Variants in GOLGB1 observed in about 807,000 individuals in gnomAD.
GOLGB1 encodes the protein golgin B1, also known as golgin subfamily B member 1.
Under a neutral mutation model 336.9 loss-of-function variants are expected in GOLGB1, and 174 were observed. That is an observed-to-expected ratio of 0.52 (90% CI 0.46 to 0.59). The LOEUF is 0.59. GOLGB1 is among the 20% of genes least tolerant of loss of function. The probability of loss-of-function intolerance (pLI) is 0.00; values close to 1 mark genes in which losing one functional copy is unlikely to be tolerated. For synonymous variants in GOLGB1, 1,208 were observed against 1,289.2 expected (o/e 0.94, Z 1.35); for missense variants, 3,331 against 3,645.3 (o/e 0.91, Z 2.22).
At chr3:121,702,836 T>G (rs947886914) in intron 10 of GOLGB1, among the ~76,000 whole-genome samples, 1 of 152,220 alleles carries the variant, frequency 6.6e-6, no homozygotes, top group Non-Finnish European at 1.5e-5. Flanking sequence ...AATTTAAGAT[T>G]GAAGCCTGGA....
At position 121,694,430 on chromosome 3, in the gene GOLGB1, C is replaced by T. The variant is rs1305613416; in HGVS notation, c.6093G>A (p.Lys2031=). Residue 2031 remains lysine, a synonymous_variant, in exon 13 of 22, where the codon AAG becomes AAA. Transcript: ENST00000614479. The stretch of plus-strand genomic sequence containing the variant: ...TTTTCTCTTGATACCTGATGCAGTC[C>T]TTCTGTAGCTGCTTTACTTCTTGTT... ...EKQQEVKQLQ[K]DCIRYQEKIS... is the part of the protein sequence containing the mutation. The T allele has an allele frequency of 6.2e-7, 1 of 1,613,186 alleles. No homozygotes were observed. Among genetic ancestry groups the T allele is most frequent in the Non-Finnish European group, 8.5e-7 (1 of 1,179,622 alleles).
intron 10 of GOLGB1, among the ~76,000 whole-genome samples, chr3:121,707,222 T>A (rs1361021532): frequency 1.6e-5 from 1 of 62,856 alleles, no homozygotes; most frequent in Admixed American, 1.5e-4. Context: ...TGAGACTCCA[T>A]CTCAAAAAAA....
rs1947351693 is a variant in GOLGB1 at position 121,747,153 on chromosome 3, T to TAC, written c.-3+2478_-3+2479insGT. On this transcript the variant is annotated intron_variant, in intron 1 of 21. Coordinates refer to ENST00000614479, the MANE Select transcript of GOLGB1 (RefSeq NM_001366282.2). ...CTAAGATATATATACATGGATGTTA[T>TAC]ATATATATATATATATATATATATA... Among the ~76,000 whole-genome samples the TAC allele has an allele frequency of 1.6e-3, 32 of 20,326 alleles. No homozygotes were observed. In the South Asian group the frequency reaches 0.039, roughly 25 times the overall value. The allele number at this position is 20,326 out of a possible 152,430, so 13.3% of individuals were successfully genotyped here. A position where few individuals can be genotyped will look rare whatever the true frequency, so the allele number is the denominator to read the frequency against.
chr3:121,690,645 CAGAA>C, intron 14 of GOLGB1, 21 bp downstream of exon 14: 13 of 1,241,420 alleles, frequency 1.0e-5, no homozygotes, highest in Non-Finnish European at 1.4e-5. Flanking sequence ...TTAAACAGAT[CAGAA>C]AGAAAGAACT....
At position 121,676,902 on chromosome 3, in the gene GOLGB1, C is replaced by A; in HGVS notation, c.9168G>T (p.Leu3056=). The A allele has an allele frequency of 6.2e-7, 1 of 1,613,616 alleles. No individual in the cohort carries two copies. The highest frequency in any genetic ancestry group is 1.1e-5 in the South Asian group (1 of 91,048). The change falls in exon 17 of 22, where the codon CTG becomes CTT. Residue 3056 remains leucine, a synonymous_variant. Coordinates refer to ENST00000614479, the MANE Select transcript of GOLGB1 (RefSeq NM_001366282.2). ...AACAAGAAACACTTACGTTGCTGTT[C>A]AGTTGCTGAATTCTTAACTCCTTTT... ...IHQKELRIQQ[L]NSNFSQLLEE...
At chr3:121,669,459 G>T in intron 17 of GOLGB1, 104 bp from the exon 18 acceptor site, 1 of 869,424 alleles carries the variant, frequency 1.2e-6, no homozygotes, top group Non-Finnish European at 1.8e-6. Flanking sequence ...GAAGACCTTT[G>T]TTTCAGCAAC....
chr3:121,727,291 CACATATATATATATATATAT>C (rs1402879194), intron 4 of GOLGB1, among the ~76,000 whole-genome samples: 7 of 51,142 alleles, frequency 1.4e-4, no homozygotes, highest in Admixed American at 3.8e-4. Context: ...TACACACACA[CACATATATATATATATATAT>C]ATATATATAT....
intron 10 of GOLGB1, among the ~76,000 whole-genome samples, chr3:121,707,225 C>CAAAAAAAAAAAAAAAAAAAA (rs554313106): frequency 2.1e-5 from 2 of 93,662 alleles, no homozygotes; most frequent in African/African-American, 4.5e-5. Context: ...GACTCCATCT[C>CAAAAAAAAAAAAAAAAAAAA]AAAAAAAAAA....
chr3:121,734,090 G>A (rs1946311106), intron 1 of GOLGB1, among the ~76,000 whole-genome samples: 1 of 152,022 alleles, frequency 6.6e-6, no homozygotes, highest in African/African-American at 2.4e-5. Context: ...TTAAGAAAAT[G>A]AAAAGACAAG....
intron 15 of GOLGB1, among the ~76,000 whole-genome samples, chr3:121,680,690 TG>T (rs1427571564): frequency 6.6e-6 from 1 of 152,096 alleles, no homozygotes; most frequent in Non-Finnish European, 1.5e-5. Context: ...AAAAAGACCC[TG>T]TTGAGGGAGA....
intron 1 of GOLGB1, among the ~76,000 whole-genome samples, chr3:121,732,843 A>G (rs1258892010): frequency 2.0e-5 from 3 of 152,214 alleles, no homozygotes; most frequent in Non-Finnish European, 4.4e-5. Flanking sequence ...TACTACTTCT[A>G]TCTAACACTA....
At chr3:121,745,166 G>A (rs578146906) in intron 1 of GOLGB1, among the ~76,000 whole-genome samples, 1 of 152,094 alleles carries the variant, frequency 6.6e-6, no homozygotes, top group Admixed American at 6.6e-5. Context: ...AGAAAGATGG[G>A]TACTCCCCTC....
At chr3:121,747,352 TATATAC>T (rs1291911165) in intron 1 of GOLGB1, among the ~76,000 whole-genome samples, 1 of 145,114 alleles carries the variant, frequency 6.9e-6, no homozygotes, top group Non-Finnish European at 1.5e-5. Context: ...TATATATGTG[TATATAC>T]GTATATATAC....
chr3:121,716,842 C>T lies in GOLGB1; in HGVS notation c.1183G>A (p.Glu395Lys), dbSNP rs1168609846. 23 of 1,612,710 alleles carry T rather than the reference C, an allele frequency of 1.4e-5. No homozygotes were observed. The highest frequency in any genetic ancestry group is 1.8e-5 in the Non-Finnish European group (21 of 1,178,836). ...HILSLQKTGQ[E>K]LQSACDALKD... Reference sequence around the variant, plus strand: ...AGAGCATCACAGGCAGACTGCAGCTCTTGTCCAGTCTTTTGAAGACTCAAA... The same window carrying T: ...AGAGCATCACAGGCAGACTGCAGCTTTTGTCCAGTCTTTTGAAGACTCAAA... The change falls in exon 9 of 22, where the codon GAG becomes AAG. Residue 395 changes from glutamate to lysine, a missense_variant. Glu to Lys is a moderately conservative substitution (Grantham distance 56). Coordinates refer to ENST00000614479, the MANE Select transcript of GOLGB1 (RefSeq NM_001366282.2).
In GOLGB1 at chr3:121,697,642, A is replaced by G; in HGVS notation, c.2881T>C (p.Ser961Pro). The G allele has an allele frequency of 2.5e-6, 4 of 1,612,456 alleles. No individual in the cohort carries two copies. The highest frequency in any genetic ancestry group is 3.4e-6 in the Non-Finnish European group (4 of 1,179,768). ...KEQVEEDNEV[S>P]SGLKQNYDEM... is the part of the protein sequence containing the mutation. ...TCATAATTTTGTTTAAGGCCAGAAGAAACTTCATTATCTTCTTCCACCTGC... is the reference window on the plus strand; with the variant it reads ...TCATAATTTTGTTTAAGGCCAGAAGGAACTTCATTATCTTCTTCCACCTGC... Residue 961 changes from serine (S) to proline (P), a missense_variant, in exon 13 of 22, where the codon TCT becomes CCT. Coordinates refer to ENST00000614479, the MANE Select transcript of GOLGB1 (RefSeq NM_001366282.2).
intron 10 of GOLGB1, among the ~76,000 whole-genome samples, chr3:121,707,767 C>T (rs1003449515): frequency 6.6e-6 from 1 of 152,088 alleles, no homozygotes; most frequent in Admixed American, 6.5e-5. Flanking sequence ...ATAACCACAA[C>T]CATTTGTTTA....
intron 7 of GOLGB1, among the ~76,000 whole-genome samples, chr3:121,718,918 G>T (rs1332475996): frequency 6.6e-6 from 1 of 151,702 alleles, no homozygotes; most frequent in Non-Finnish European, 1.5e-5. Context: ...GCAGGCACTT[G>T]AAAAAAAATT....
intron 4 of GOLGB1, 122 bp downstream of exon 4, chr3:121,729,066 A>C (rs1344528889): frequency 1.5e-6 from 1 of 660,298 alleles, no homozygotes; most frequent in Non-Finnish European, 2.5e-6. Flanking sequence ...AGAAAAAAAA[A>C]AACAAAACAT....
intron 5 of GOLGB1, among the ~76,000 whole-genome samples, chr3:121,726,079 C>G (rs545774880): frequency 6.7e-6 from 1 of 150,024 alleles, no homozygotes; most frequent in African/African-American, 2.5e-5. Flanking sequence ...CATACCAGAG[C>G]CACACTAAAA....
Sources: allele counts gnomAD v4.1 joint callset (sites outside exome capture counted in the v4.1 genomes callset), GRCh38; gene constraint gnomAD v4.1.1; transcripts MANE v1.5; gene names NCBI Gene and HGNC (gene_info 2026-07-23, HGNC 2026-07-21).